Variants in CAMK1D observed in about 807,000 individuals in gnomAD.
The protein encoded by CAMK1D is calcium/calmodulin dependent protein kinase ID.
CAMK1D carries 9 observed loss-of-function variants against 47.7 expected under a neutral mutation model. The observed-to-expected ratio is 0.19, with a 90% CI of 0.11 to 0.33. The LOEUF is 0.33. Among genes scored for constraint, CAMK1D ranks in the 10% least tolerant of loss-of-function variants. The pLI, the probability that CAMK1D is intolerant of heterozygous loss-of-function variation, is 1.00. For missense variants in CAMK1D, 291 were observed against 488.7 expected, an observed-to-expected ratio of 0.60 and a Z score of 3.81; for synonymous variants, 184 against 184.9, an observed-to-expected ratio of 0.99 and a Z score of 0.04.
chr10:12,504,154 GT>G (rs1834796906), intron 1 of CAMK1D, among the ~76,000 whole-genome samples: 1 of 146,418 alleles, frequency 6.8e-6, no homozygotes, highest in Non-Finnish European at 1.5e-5. Flanking sequence ...TGTGTGTGAT[GT>G]ATGTAATATA....
At chr10:12,389,586 C>A (rs562334218) in intron 1 of CAMK1D, among the ~76,000 whole-genome samples, 15 of 152,238 alleles carry the variant, frequency 9.9e-5, no homozygotes, top group African/African-American at 3.6e-4. Flanking sequence ...CTACTCACAG[C>A]AAGCAGAATT....
At chr10:12,495,686 T>A (rs1192538495) in intron 1 of CAMK1D, among the ~76,000 whole-genome samples, 9 of 152,232 alleles carry the variant, frequency 5.9e-5, no homozygotes, top group Non-Finnish European at 1.3e-4. Context: ...CAGGTTACAC[T>A]AATAGAATCA....
At chr10:12,391,745 G>A (rs1412026801) in intron 1 of CAMK1D, among the ~76,000 whole-genome samples, 1 of 152,108 alleles carries the variant, frequency 6.6e-6, no homozygotes, top group African/African-American at 2.4e-5. Context: ...CATATACAGT[G>A]CACTGTAATG....
intron 8 of CAMK1D, among the ~76,000 whole-genome samples, chr10:12,820,141 A>C (rs1433649649): frequency 6.6e-6 from 1 of 152,112 alleles, no homozygotes; most frequent in Non-Finnish European, 1.5e-5. Context: ...CCGGGTTCAA[A>C]CGATTCTCCT....
chr10:12,817,551 T>C (rs1056146493), intron 8 of CAMK1D, among the ~76,000 whole-genome samples: 1 of 152,224 alleles, frequency 6.6e-6, no homozygotes, highest in Non-Finnish European at 1.5e-5. Flanking sequence ...TGTGAGCCTC[T>C]GTTTCCTCAT....
chr10:12,356,780 G>A (rs1430387182), intron 1 of CAMK1D, among the ~76,000 whole-genome samples: 1 of 150,552 alleles, frequency 6.6e-6, no homozygotes, highest in Non-Finnish European at 1.5e-5. Context: ...TGTCCTTATT[G>A]ATTAGTAAAA....
At chr10:12,708,161 T>G (rs1295257000) in intron 3 of CAMK1D, among the ~76,000 whole-genome samples, 1 of 152,218 alleles carries the variant, frequency 6.6e-6, no homozygotes, top group Non-Finnish European at 1.5e-5. Context: ...AGGGCCTTAA[T>G]AGTCCCCCCA....
At position 12,783,600 on chromosome 10, in the gene CAMK1D, G is replaced by A. The variant is rs1359017689; in HGVS notation, c.566-7558G>A. On this transcript the variant is annotated intron_variant, in intron 5 of 10. Coordinates refer to ENST00000619168, the MANE Select transcript of CAMK1D (RefSeq NM_153498.4). ...AGAGCATGAAGATTGATTACCACGA[G>A]CCCCACACCCACAAGACAGCTGCTG... Among the ~76,000 whole-genome samples, 3 of 152,170 alleles carry A rather than the reference G, an allele frequency of 2.0e-5. No individual in the cohort carries two copies. The East Asian group carries it at 5.8e-4, about 29-fold the overall frequency.
At chr10:12,710,520 A>C (rs1317407742) in intron 3 of CAMK1D, among the ~76,000 whole-genome samples, 1 of 152,234 alleles carries the variant, frequency 6.6e-6, no homozygotes, top group African/African-American at 2.4e-5. Context: ...TTGTACGTCA[A>C]AGTTTTTAGC....
At chr10:12,498,769 C>T (rs1028932480) in intron 1 of CAMK1D, among the ~76,000 whole-genome samples, 1 of 152,138 alleles carries the variant, frequency 6.6e-6, no homozygotes, top group African/African-American at 2.4e-5. Context: ...CTTGGGGCCC[C>T]AAGACATCAT....
chr10:12,726,249 C>T (rs1348716704), intron 3 of CAMK1D, among the ~76,000 whole-genome samples: 3 of 151,618 alleles, frequency 2.0e-5, no homozygotes, highest in African/African-American at 7.3e-5. Context: ...CATGGTGAAA[C>T]CCTGTTTCTA....
chr10:12,515,938 C>G (rs560106004), intron 1 of CAMK1D, among the ~76,000 whole-genome samples: 15 of 151,674 alleles, frequency 9.9e-5, no homozygotes, highest in African/African-American at 3.4e-4. Flanking sequence ...GAATGTAATA[C>G]TCTTAACAGT....
chr10:12,727,825 G>A (rs1317188829), intron 3 of CAMK1D, among the ~76,000 whole-genome samples: 1 of 150,620 alleles, frequency 6.6e-6, no homozygotes, highest in South Asian at 2.1e-4. Flanking sequence ...GTACAGGGGC[G>A]CGCGATCTCA....
At chr10:12,593,691 T>A (rs12254651) in intron 2 of CAMK1D, among the ~76,000 whole-genome samples, 7,660 of 152,242 alleles carry the variant, frequency 0.05, 559 homozygotes, top group African/African-American at 0.16. Context: ...AATTTTTTTT[T>A]AATTAATAAA....
At chr10:12,699,923 C>A (rs1408228353) in intron 3 of CAMK1D, among the ~76,000 whole-genome samples, 3 of 151,984 alleles carry the variant, frequency 2.0e-5, no homozygotes, top group African/African-American at 7.3e-5. Context: ...AAAATGACGT[C>A]TTTTCCTTCT....
chr10:12,435,348 C>T (rs1832602503), intron 1 of CAMK1D, among the ~76,000 whole-genome samples: 1 of 151,962 alleles, frequency 6.6e-6, no homozygotes, highest in Non-Finnish European at 1.5e-5. Context: ...AAGCCTAACT[C>T]CAGGTTCTCT....
At chr10:12,478,664 G>T (rs12784955) in intron 1 of CAMK1D, among the ~76,000 whole-genome samples, 23,094 of 151,998 alleles carry the variant, frequency 0.15, 1,839 homozygotes, top group South Asian at 0.21. Context: ...AGTCAGAGTT[G>T]GTGGGGATCT....
At chr10:12,361,248 G>GT (rs55700646) in intron 1 of CAMK1D, among the ~76,000 whole-genome samples, 1,261 of 120,032 alleles carry the variant, frequency 0.011, 23 homozygotes, top group African/African-American at 0.032. Context: ...CTATTTGACT[G>GT]TTTTTTTTTT....
At chr10:12,413,216 AGCAG>A (rs1839725089) in intron 1 of CAMK1D, among the ~76,000 whole-genome samples, 1 of 152,092 alleles carries the variant, frequency 6.6e-6, no homozygotes, top group African/African-American at 2.4e-5. Flanking sequence ...GGAAAGGGGG[AGCAG>A]GCACGTTACA....
Sources: allele counts gnomAD v4.1 joint callset (sites outside exome capture counted in the v4.1 genomes callset), GRCh38; gene constraint gnomAD v4.1.1; transcripts MANE v1.5; gene names NCBI Gene and HGNC (gene_info 2026-07-23, HGNC 2026-07-21).